Variants in RAB9B observed in about 807,000 individuals in gnomAD.
The protein encoded by RAB9B is RAB9B, member RAS oncogene family.
In RAB9B, 1 loss-of-function variant was observed where a neutral mutation model predicts 8.9. The ratio of observed to expected loss-of-function variants is 0.11; its 90% confidence interval spans 0.04 to 0.53. The LOEUF (loss-of-function observed/expected upper bound fraction) is 0.53, where lower values mean the gene tolerates loss of function less well. RAB9B is among the 20% of genes least tolerant of loss of function. The pLI is 0.93. For missense variants in RAB9B, 82 were observed against 152.9 expected (o/e 0.54, Z 2.45); for synonymous variants, 63 against 57.0 (o/e 1.10, Z -0.47).
the RAB9B span, among the ~76,000 whole-genome samples, chrX:103,804,376 A>G: frequency 1.8e-5 from 2 of 112,391 alleles, no homozygotes. Flanking sequence ...TTATGTCATT[A>G]TTACACTGTC....
chrX:103,814,893 T>C, the RAB9B span, among the ~76,000 whole-genome samples: 3 of 111,376 alleles, frequency 2.7e-5, no homozygotes, highest in Non-Finnish European at 1.9e-5. Context: ...CACAAAGAAG[T>C]TGAATCTCTG....
At chrX:103,783,380 T>C in the RAB9B span, among the ~76,000 whole-genome samples, 1 of 112,719 alleles carries the variant, frequency 8.9e-6, no homozygotes, top group Non-Finnish European at 1.9e-5. Context: ...CCAAGTTTCC[T>C]GGCAGCAATG....
At chrX:103,793,337 T>A in the RAB9B span, among the ~76,000 whole-genome samples, 1 of 112,079 alleles carries the variant, frequency 8.9e-6, no homozygotes, top group South Asian at 3.8e-4. Flanking sequence ...AATCATTTCA[T>A]TGCCCCATAG....
In RAB9B at chrX:103,824,641, T is replaced by C. The variant is rs1446945491; in HGVS notation, c.*538A>G. ...ATTTAAACAAGTCAGTGTATATCAT[T>C]ATACTTTTGCACTCCTAATCATTAC... On this transcript the variant is annotated 3_prime_UTR_variant, in exon 3 of 3. Transcript: ENST00000243298. 1 of 112,257 alleles carries C rather than the reference T, an allele frequency of 8.9e-6. No homozygotes were observed. 9.3% of individuals were successfully genotyped at this position (112,257 alleles called of 1,213,427 possible). A position where few individuals can be genotyped will look rare whatever the true frequency, so the allele number is the denominator to read the frequency against.
chrX:103,800,670 C>T, the RAB9B span, among the ~76,000 whole-genome samples: 1 of 111,900 alleles, frequency 8.9e-6, no homozygotes, highest in African/African-American at 3.2e-5. Context: ...AATAAGAACT[C>T]TAAGCTCTTT....
At chrX:103,828,555 A>G (rs1030975083) in intron 1 of RAB9B, among the ~76,000 whole-genome samples, 2 of 112,053 alleles carry the variant, frequency 1.8e-5, no homozygotes, top group Non-Finnish European at 3.8e-5. Context: ...GATGGCTAGT[A>G]TTAAGCGTCC....
the RAB9B span, chrX:103,786,400 G>C: frequency 8.7e-7 from 1 of 1,145,563 alleles, no homozygotes; most frequent in South Asian, 1.8e-5. Flanking sequence ...CACTTATGTC[G>C]GGAAAGAAGC....
At chrX:103,830,024 T>C (rs751691903) in intron 1 of RAB9B, among the ~76,000 whole-genome samples, 27 of 111,986 alleles carry the variant, frequency 2.4e-4, no homozygotes, top group Non-Finnish European at 3.8e-4. Context: ...GCAGAAGTTA[T>C]GAACTTGACT....
the RAB9B span, among the ~76,000 whole-genome samples, chrX:103,793,317 G>A: frequency 8.9e-6 from 1 of 112,139 alleles, no homozygotes; most frequent in Non-Finnish European, 1.9e-5. Flanking sequence ...CTTAAAGAAA[G>A]CTGTCTTAAA....
At chrX:103,790,510 T>C in the RAB9B span, 1 of 1,176,993 alleles carries the variant, frequency 8.5e-7, no homozygotes, top group Non-Finnish European at 1.2e-6. Flanking sequence ...TCACATTCTC[T>C]CTTCTGTTCC....
At chrX:103,811,392 C>T in the RAB9B span, among the ~76,000 whole-genome samples, 1 of 111,850 alleles carries the variant, frequency 8.9e-6, no homozygotes, top group Non-Finnish European at 1.9e-5. Flanking sequence ...ATTCTCCATA[C>T]CATAAAATAG....
chrX:103,788,395 C>A, the RAB9B span: 1 of 1,009,015 alleles, frequency 9.9e-7, no homozygotes, highest in Non-Finnish European at 1.4e-6. Flanking sequence ...GGCCCCGTAA[C>A]TCCATAAAGC....
chrX:103,805,571 G>C, the RAB9B span, among the ~76,000 whole-genome samples: 143 of 111,639 alleles, frequency 1.3e-3, 2 homozygotes, highest in Admixed American at 0.013. Context: ...TAAAAGCCTG[G>C]TGGAATTCAC....
chrX:103,831,473 C>T (rs897408134), intron 1 of RAB9B, among the ~76,000 whole-genome samples: 29 of 100,410 alleles, frequency 2.9e-4, no homozygotes, highest in African/African-American at 1.1e-3. Context: ...TAACCTTTCA[C>T]TGCTCACAAC....
At chrX:103,821,011 CACAA>C (rs2074658093), downstream of RAB9B, among the ~76,000 whole-genome samples, 5 of 91,201 alleles carry the variant, frequency 5.5e-5, no homozygotes, top group Non-Finnish European at 1.1e-4. Context: ...CACACACACA[CACAA>C]AGTTAGCTGG....
the RAB9B span, chrX:103,790,850 T>C: frequency 3.3e-5 from 13 of 397,152 alleles, no homozygotes; most frequent in African/African-American, 3.3e-4. Flanking sequence ...AGAAGATGAC[T>C]TCCCAACTGC....
At chrX:103,818,871 A>G (rs932826459), downstream of RAB9B, among the ~76,000 whole-genome samples, 3 of 111,519 alleles carry the variant, frequency 2.7e-5, no homozygotes, top group Non-Finnish European at 3.8e-5. Context: ...TCATTTTTCT[A>G]CGGTGGATGT....
At chrX:103,800,338 G>A in the RAB9B span, among the ~76,000 whole-genome samples, 1 of 110,782 alleles carries the variant, frequency 9.0e-6, no homozygotes, top group Non-Finnish European at 1.9e-5. Context: ...GTGGGGGGCA[G>A]AACACATTCA....
chrX:103,815,714 T>C, the RAB9B span, among the ~76,000 whole-genome samples: 4 of 112,276 alleles, frequency 3.6e-5, no homozygotes, highest in African/African-American at 1.3e-4. Flanking sequence ...CTTCTCAAGC[T>C]GATGAGCAAC....
Sources: allele counts gnomAD v4.1 joint callset (sites outside exome capture counted in the v4.1 genomes callset), GRCh38; gene constraint gnomAD v4.1.1; transcripts MANE v1.5; gene names NCBI Gene and HGNC (gene_info 2026-07-23, HGNC 2026-07-21).